Variants in GABBR2 observed in about 807,000 individuals in gnomAD.
GABBR2 encodes the protein gamma-aminobutyric acid type B receptor subunit 2.
A neutral mutation model predicts 105.6 loss-of-function variants in GABBR2; 23 were observed. The observed-to-expected ratio is 0.22, with a 90% CI of 0.16 to 0.31. The LOEUF is 0.31. Ranked by LOEUF, GABBR2 falls within the 10% of genes least tolerant of loss-of-function variation. The pLI, the probability that GABBR2 is intolerant of heterozygous loss-of-function variation, is 1.00. For missense variants in GABBR2, 734 were observed against 1,245.5 expected (o/e 0.59, Z 6.18); for synonymous variants, 478 against 499.7 (o/e 0.96, Z 0.58).
chr9:98,354,118 GAA>G (rs1163765263), intron 13 of GABBR2, among the ~76,000 whole-genome samples: 1 of 152,180 alleles, frequency 6.6e-6, no homozygotes, highest in Non-Finnish European at 1.5e-5. Context: ...ATAATATTTT[GAA>G]AAGAGTATTT....
At chr9:98,356,590 A>C (rs1469661092) in intron 13 of GABBR2, among the ~76,000 whole-genome samples, 1 of 152,220 alleles carries the variant, frequency 6.6e-6, no homozygotes, top group Admixed American at 6.5e-5. Flanking sequence ...GTCACTTTGG[A>C]AGACGGTTTG....
chr9:98,508,516 A>C (rs1281919053), intron 3 of GABBR2, among the ~76,000 whole-genome samples: 1 of 152,222 alleles, frequency 6.6e-6, no homozygotes, highest in East Asian at 1.9e-4. Context: ...TTTCCTAGTC[A>C]AAGAAAGGGG....
In GABBR2 at chr9:98,578,030, T is replaced by G. The variant is rs1828945231; in HGVS notation, c.364A>C (p.Lys122Gln). Residue 122 changes from lysine to glutamine, a missense_variant, in exon 2 of 19, where the codon AAA becomes CAA. Coordinates refer to ENST00000259455, the MANE Select transcript of GABBR2 (RefSeq NM_005458.8). ...ACCATCAAGTGGTTAGGCCCGTATT[T>G]TATTGCATCGTAGAAGGCTTTCAAC... ...KGLKAFYDAI[K>Q]YGPNHLMVFG... The G allele has an allele frequency of 1.2e-6, 2 of 1,614,048 alleles. No homozygotes were observed. Among genetic ancestry groups the G allele is most frequent in the African/African-American group, 2.7e-5 (2 of 75,044 alleles).
intron 1 of GABBR2, among the ~76,000 whole-genome samples, chr9:98,582,030 A>G (rs188892010): frequency 3.9e-4 from 60 of 152,312 alleles, no homozygotes; most frequent in African/African-American, 1.4e-3. Context: ...TATTTATCTG[A>G]CTGAATTTTC....
intron 3 of GABBR2, among the ~76,000 whole-genome samples, chr9:98,506,473 T>C (rs1169552590): frequency 1.3e-5 from 2 of 152,092 alleles, no homozygotes; most frequent in Non-Finnish European, 2.9e-5. Context: ...ACTAGACCCA[T>C]CTTGAGCTGG....
intron 2 of GABBR2, among the ~76,000 whole-genome samples, chr9:98,573,838 GT>G (rs1828871183): frequency 6.6e-6 from 1 of 152,114 alleles, no homozygotes; most frequent in African/African-American, 2.4e-5. Flanking sequence ...GCATAGATCT[GT>G]TTGTGTACTA....
At chr9:98,364,658 G>A (rs1347164352) in intron 12 of GABBR2, among the ~76,000 whole-genome samples, 1 of 145,104 alleles carries the variant, frequency 6.9e-6, no homozygotes, top group African/African-American at 2.7e-5. Context: ...ATGCAATGGT[G>A]CAATTTAGGC....
intron 12 of GABBR2, among the ~76,000 whole-genome samples, chr9:98,370,976 G>A (rs923915885): frequency 6.6e-6 from 1 of 152,076 alleles, no homozygotes; most frequent in African/African-American, 2.4e-5. Context: ...TTGCCCATAA[G>A]TTAAAGTGCA....
At chr9:98,347,158 A>T (rs566461094) in intron 13 of GABBR2, among the ~76,000 whole-genome samples, 2 of 152,192 alleles carry the variant, frequency 1.3e-5, no homozygotes, top group South Asian at 4.1e-4. Context: ...CCCCCACATT[A>T]TTTTCCATAA....
intron 2 of GABBR2, among the ~76,000 whole-genome samples, chr9:98,543,881 T>C (rs1002442469): frequency 6.6e-6 from 1 of 152,204 alleles, no homozygotes; most frequent in Admixed American, 6.5e-5. Flanking sequence ...TCACGGTTTT[T>C]TTTAATGAGG....
At chr9:98,524,925 T>G (rs1317928796) in intron 3 of GABBR2, among the ~76,000 whole-genome samples, 2 of 152,188 alleles carry the variant, frequency 1.3e-5, no homozygotes, top group African/African-American at 4.8e-5. Context: ...AATAATAATC[T>G]TTTCAACAAA....
chr9:98,390,518 T>G (rs79338489), intron 9 of GABBR2, among the ~76,000 whole-genome samples: 2,194 of 152,066 alleles, frequency 0.014, 53 homozygotes, highest in African/African-American at 0.05. Flanking sequence ...TGTGAAGCCT[T>G]AAGCAATTCC....
intron 6 of GABBR2, 114 bp downstream of exon 6, chr9:98,473,032 G>C: frequency 2.6e-6 from 2 of 766,788 alleles, no homozygotes; most frequent in Non-Finnish European, 4.4e-6. Flanking sequence ...GAGAGGTCAA[G>C]TGATTTGCTC....
chr9:98,377,168 A>G (rs985638068), intron 11 of GABBR2, among the ~76,000 whole-genome samples: 1 of 140,930 alleles, frequency 7.1e-6, no homozygotes, highest in African/African-American at 2.7e-5. Context: ...AAGGTGCCTC[A>G]GGACTGGAGG....
At chr9:98,424,105 A>C (rs1394806695) in intron 7 of GABBR2, among the ~76,000 whole-genome samples, 1 of 152,330 alleles carries the variant, frequency 6.6e-6, no homozygotes, top group South Asian at 2.1e-4. Flanking sequence ...AACCGAATCC[A>C]GCAGCACATC....
intron 11 of GABBR2, among the ~76,000 whole-genome samples, chr9:98,376,135 G>T (rs981672834): frequency 3.3e-5 from 5 of 152,116 alleles, no homozygotes; most frequent in Admixed American, 2.0e-4. Flanking sequence ...CTATGAAAAA[G>T]GAAAAAGAAA....
intron 1 of GABBR2, among the ~76,000 whole-genome samples, chr9:98,697,581 T>C (rs771152275): frequency 1.3e-5 from 2 of 152,144 alleles, no homozygotes; most frequent in South Asian, 4.1e-4. Context: ...TGCCGACATA[T>C]AGTAAGCACT....
At chr9:98,399,199 C>G (rs1285923344) in intron 8 of GABBR2, among the ~76,000 whole-genome samples, 4 of 152,090 alleles carry the variant, frequency 2.6e-5, no homozygotes, top group Admixed American at 2.0e-4. Flanking sequence ...ACTAAAAATA[C>G]TAAAATTAGC....
chr9:98,537,069 C>T (rs546402678), intron 3 of GABBR2, among the ~76,000 whole-genome samples: 2 of 152,160 alleles, frequency 1.3e-5, no homozygotes, highest in Non-Finnish European at 2.9e-5. Flanking sequence ...TCAACGCTGG[C>T]GACACACTGA....
Sources: allele counts gnomAD v4.1 joint callset (sites outside exome capture counted in the v4.1 genomes callset), GRCh38; gene constraint gnomAD v4.1.1; transcripts MANE v1.5; gene names NCBI Gene and HGNC (gene_info 2026-07-23, HGNC 2026-07-21).